Variants in CHD7 observed in about 807,000 individuals in gnomAD.
The protein encoded by CHD7 is chromodomain helicase DNA binding protein 7.
Under a neutral mutation model 307.3 loss-of-function variants are expected in CHD7, and 24 were observed. The ratio of observed to expected loss-of-function variants is 0.08; its 90% CI spans 0.06 to 0.11. The LOEUF is 0.11. Among genes scored for constraint, CHD7 ranks in the 10% least tolerant of loss-of-function variants. The probability of loss-of-function intolerance (pLI) is 1.00; values close to 1 mark genes in which losing one functional copy is unlikely to be tolerated. For synonymous variants in CHD7, 1,363 were observed against 1,349.9 expected (o/e 1.01, Z -0.21); for missense variants, 3,106 against 3,727.1 (o/e 0.83, Z 4.34).
At chr8:60,749,370 CAAAAAAAA>C (rs55661758) in intron 2 of CHD7, among the ~76,000 whole-genome samples, 16 of 56,306 alleles carry the variant, frequency 2.8e-4, no homozygotes, top group African/African-American at 1.1e-3. Context: ...GACTCTGTAT[CAAAAAAAA>C]AAAAAAAAAA....
At position 60,838,225 on chromosome 8, in the gene CHD7, G is replaced by A; in HGVS notation, c.4503G>A (p.Glu1501=). ...GTCGAACCCACACCATTACCATTGA[G>A]TCAGAAGGGAAAGGTTCCACATTTG... ...LLRRTHTITI[E]SEGKGSTFAK... The change falls in exon 19 of 38, where the codon GAG becomes GAA. Residue 1501 remains glutamate, a synonymous_variant. Coordinates refer to ENST00000423902, the MANE Select transcript of CHD7 (RefSeq NM_017780.4). 1 of 1,604,744 alleles carries A rather than the reference G, an allele frequency of 6.2e-7. No homozygotes were observed. The highest frequency in any genetic ancestry group is 8.5e-7 in the Non-Finnish European group (1 of 1,175,590).
chr8:60,842,937 A>G (rs981033243), intron 21 of CHD7, among the ~76,000 whole-genome samples: 1 of 152,090 alleles, frequency 6.6e-6, no homozygotes, highest in South Asian at 2.1e-4. Context: ...GTGTCTTTGC[A>G]CAAGCTCTTC....
intron 13 of CHD7, chr8:60,824,270 A>G: frequency 4.5e-6 from 2 of 441,658 alleles, no homozygotes; most frequent in Non-Finnish European, 8.0e-6. Flanking sequence ...AGTTTCAAGT[A>G]TTTGTTTTAC....
intron 19 of CHD7, among the ~76,000 whole-genome samples, chr8:60,838,873 C>G (rs904837328): frequency 3.3e-5 from 5 of 152,214 alleles, no homozygotes; most frequent in Non-Finnish European, 7.3e-5. Flanking sequence ...GCATTTTGTT[C>G]TAGCCATCTC....
intron 9 of CHD7, among the ~76,000 whole-genome samples, 159 bp from the exon 10 acceptor site, chr8:60,821,631 T>C (rs965965872): frequency 6.0e-5 from 9 of 150,026 alleles, no homozygotes; most frequent in African/African-American, 2.2e-4. Flanking sequence ...TATACATATG[T>C]ATATGTATAA....
chr8:60,715,564 C>T (rs1159460348), intron 1 of CHD7, among the ~76,000 whole-genome samples: 5 of 152,118 alleles, frequency 3.3e-5, no homozygotes, highest in African/African-American at 4.8e-5. Context: ...GGGGATCCGC[C>T]TGCCTTGGCC....
At chr8:60,721,502 A>C (rs1807905023) in intron 1 of CHD7, among the ~76,000 whole-genome samples, 1 of 152,258 alleles carries the variant, frequency 6.6e-6, no homozygotes. Flanking sequence ...GAACTCTGGC[A>C]GACTGAGATT....
At chr8:60,855,519 A>G (rs1805660414) in intron 32 of CHD7, among the ~76,000 whole-genome samples, 1 of 152,226 alleles carries the variant, frequency 6.6e-6, no homozygotes, top group African/African-American at 2.4e-5. Context: ...TAGTGACGCT[A>G]ATGATGTCCT....
rs1005909293 is a variant in CHD7, at chr8:60,742,544, G to T, written c.1112G>T (p.Gly371Val). 6.2e-7 allele frequency: 1 copy of T among 1,613,844 alleles called. No homozygotes were observed. The highest frequency in any genetic ancestry group is 8.5e-7 in the Non-Finnish European group (1 of 1,179,900). Residue 371 changes from glycine to valine, a missense_variant, in exon 2 of 38, where the codon GGC becomes GTC. Gly to Val is a moderately radical substitution (Grantham distance 109). Transcript: ENST00000423902. ...LMHQQPIHPS[G>V]SLNQMNTQTM... Reference sequence around the variant, plus strand: ...CACCAGCAGCCCATCCACCCCAGTGGCTCACTTAACCAAATGAACACACAA... The same window carrying T: ...CACCAGCAGCCCATCCACCCCAGTGTCTCACTTAACCAAATGAACACACAA...
chr8:60,780,482 CTTGTA>C (rs1188911130), intron 2 of CHD7, among the ~76,000 whole-genome samples: 2 of 152,174 alleles, frequency 1.3e-5, no homozygotes, highest in African/African-American at 4.8e-5. Context: ...CCAGAAATGA[CTTGTA>C]TTGTATTAGA....
intron 1 of CHD7, among the ~76,000 whole-genome samples, chr8:60,715,907 T>C (rs942734453): frequency 1.3e-5 from 2 of 152,202 alleles, no homozygotes; most frequent in Non-Finnish European, 2.9e-5. Context: ...ACGCCCTGTG[T>C]CTTCCTTCGT....
At chr8:60,791,194 G>A (rs1811755869) in intron 3 of CHD7, among the ~76,000 whole-genome samples, 1 of 152,218 alleles carries the variant, frequency 6.6e-6, no homozygotes, top group African/African-American at 2.4e-5. Context: ...TGATGCTGAG[G>A]TGGGAAATAC....
Position 60,816,509 on chromosome 8 carries a change from A to G in CHD7, c.2613+8A>G. 2.8e-6 allele frequency: 4 copies of G among 1,447,076 alleles called. No individual in the cohort carries two copies. Among genetic ancestry groups the G allele is most frequent in the South Asian group, 2.4e-5 (2 of 81,980 alleles). 89.6% of individuals were successfully genotyped at this position (1,447,076 alleles called of 1,614,324 possible). A position where few individuals can be genotyped will look rare whatever the true frequency, so the allele number is the denominator to read the frequency against. ...AACAAGTTCCTTTCAGAGGTACGAC[A>G]TACCTGCTTACTTTTCCAAAGTATT... is the stretch of plus-strand genomic sequence containing the variant. On this transcript the variant is annotated splice_region_variant and intron_variant, in intron 8 of 37. Coordinates refer to ENST00000423902, the MANE Select transcript of CHD7 (RefSeq NM_017780.4).
At chr8:60,827,406 A>C (rs1021803476) in intron 13 of CHD7, among the ~76,000 whole-genome samples, 1 of 152,224 alleles carries the variant, frequency 6.6e-6, no homozygotes, top group Non-Finnish European at 1.5e-5. Flanking sequence ...GAGACACGAT[A>C]TCAATACAGC....
chr8:60,776,185 T>C (rs1054889189), intron 2 of CHD7, among the ~76,000 whole-genome samples: 2 of 152,202 alleles, frequency 1.3e-5, no homozygotes, highest in East Asian at 3.8e-4. Flanking sequence ...AGTATAAATA[T>C]GTTTTCCTGG....
chr8:60,691,655 T>C (rs1806200940), intron 1 of CHD7, among the ~76,000 whole-genome samples: 1 of 152,332 alleles, frequency 6.6e-6, no homozygotes, highest in African/African-American at 2.4e-5. Context: ...CTAATGTTCT[T>C]ACCCACTCCT....
intron 3 of CHD7, among the ~76,000 whole-genome samples, chr8:60,792,819 C>T (rs1349993529): frequency 6.6e-6 from 1 of 152,208 alleles, no homozygotes; most frequent in Non-Finnish European, 1.5e-5. Context: ...AAAGCGCGAG[C>T]TGCCAACTCA....
intron 1 of CHD7, chr8:60,679,441 G>GA (rs1006346483): frequency 2.7e-5 from 4 of 146,212 alleles, no homozygotes; most frequent in East Asian, 2.0e-4. Context: ...GCCGGCGTGG[G>GA]GGGGGGGTAC....
In CHD7 at chr8:60,843,024, G is replaced by A. The variant is rs530820355; in HGVS notation, c.4850+972G>A. ...TCCCTTCTGCTCTCCGTGGGTGTCCGACGCAGGCATCAGCTTGTGCTCTGC... is the reference window on the plus strand; with the variant it reads ...TCCCTTCTGCTCTCCGTGGGTGTCCAACGCAGGCATCAGCTTGTGCTCTGC... On this transcript the variant is annotated intron_variant, in intron 21 of 37. Transcript: ENST00000423902. 4.6e-5 allele frequency among the ~76,000 whole-genome samples: 7 copies of A among 152,258 alleles called. No individual in the cohort carries two copies. In the South Asian group the frequency reaches 8.3e-4, roughly 18 times the overall value.
Sources: gnomAD v4.1 joint callset for allele counts (sites outside exome capture counted in the v4.1 genomes callset) on GRCh38, gnomAD v4.1.1 for gene constraint, MANE v1.5 for transcripts, NCBI Gene and HGNC (gene_info 2026-07-23, HGNC 2026-07-21) for gene names.